Variants in SORCS2 observed in about 807,000 individuals in gnomAD.
The protein encoded by SORCS2 is VPS10 domain-containing receptor SorCS2.
Under a neutral mutation model 141.6 loss-of-function variants are expected in SORCS2, and 100 were observed. The ratio of observed to expected loss-of-function variants is 0.71; its 90% CI spans 0.60 to 0.83. The LOEUF is 0.83. SORCS2 is among the 40% of genes least tolerant of loss of function. The pLI, the probability that SORCS2 is intolerant of heterozygous loss-of-function variation, is 0.00. For synonymous variants in SORCS2, 789 were observed against 676.9 expected (o/e 1.17, Z -2.57); for missense variants, 1,646 against 1,560.2 (o/e 1.05, Z -0.93).
chr4:7,283,762 T>G (rs2108864127), intron 1 of SORCS2, among the ~76,000 whole-genome samples: 1 of 151,020 alleles, frequency 6.6e-6, no homozygotes, highest in African/African-American at 2.4e-5. Flanking sequence ...TTGGGAGGAG[T>G]TGGGTCTGGC....
chr4:7,739,024 G>T (rs923391986), intron 26 of SORCS2, among the ~76,000 whole-genome samples: 1 of 152,172 alleles, frequency 6.6e-6, no homozygotes, highest in Non-Finnish European at 1.5e-5. Context: ...CGGAGCGCTC[G>T]CTCTGTGTCA....
chr4:7,614,839 C>T (rs1003144004), intron 3 of SORCS2, among the ~76,000 whole-genome samples: 8 of 151,558 alleles, frequency 5.3e-5, no homozygotes, highest in African/African-American at 1.9e-4. Flanking sequence ...TCCATCCATC[C>T]ATCTCTTATC....
chr4:7,268,304 C>T (rs1349682632), intron 1 of SORCS2, among the ~76,000 whole-genome samples: 1 of 152,140 alleles, frequency 6.6e-6, no homozygotes, highest in African/African-American at 2.4e-5. Context: ...TTGAGTTTTT[C>T]AACCCTTTAC....
Position 7,434,318 on chromosome 4 carries a change from C to T in SORCS2, c.548+37963C>T, listed in dbSNP as rs777470981. 5 of 1,611,326 alleles carry T rather than the reference C, an allele frequency of 3.1e-6. No homozygotes were observed. In the African/African-American group the frequency reaches 5.3e-5, roughly 17 times the overall value. On this transcript the variant is annotated intron_variant, in intron 2 of 26. Coordinates refer to ENST00000507866, the MANE Select transcript of SORCS2 (RefSeq NM_020777.3). ...TCCTGGAGTCGGGAGACCTGCCGTACACAGTCTTGGCACAGAGCTCCTTCA... is the reference window on the plus strand; with the variant it reads ...TCCTGGAGTCGGGAGACCTGCCGTATACAGTCTTGGCACAGAGCTCCTTCA...
chr4:7,607,700 C>T (rs1247166057), intron 3 of SORCS2, among the ~76,000 whole-genome samples: 1 of 152,206 alleles, frequency 6.6e-6, no homozygotes, highest in Non-Finnish European at 1.5e-5. Flanking sequence ...TTCCCTGGGC[C>T]ACCCAGGAGT....
At chr4:7,376,301 G>T (rs1192418982) in intron 1 of SORCS2, among the ~76,000 whole-genome samples, 2 of 151,770 alleles carry the variant, frequency 1.3e-5, no homozygotes, top group Non-Finnish European at 2.9e-5. Flanking sequence ...TACTGGCTGG[G>T]CACGGTGGCT....
At chr4:7,618,409 G>A (rs926233431) in intron 3 of SORCS2, among the ~76,000 whole-genome samples, 1 of 152,086 alleles carries the variant, frequency 6.6e-6, no homozygotes, top group Non-Finnish European at 1.5e-5. Flanking sequence ...GCACCCGGAG[G>A]GGCATTCACC....
intron 1 of SORCS2, among the ~76,000 whole-genome samples, chr4:7,314,541 G>A (rs1338462500): frequency 5.3e-5 from 8 of 152,036 alleles, no homozygotes; most frequent in African/African-American, 9.6e-5. Context: ...GGGTTTCACC[G>A]TGTTAGCCAG....
In SORCS2 at chr4:7,242,226, G is replaced by A. The variant is rs531840218; in HGVS notation, c.480+49100G>A. Among the ~76,000 whole-genome samples the A allele has an allele frequency of 2.2e-3, 342 of 152,096 alleles. 2 individuals carry two copies. Among genetic ancestry groups the A allele is most frequent in the African/African-American group, 8.0e-3 (330 of 41,474 alleles). On this transcript the variant is annotated intron_variant, in intron 1 of 26. Transcript: ENST00000507866. ...TCTTCTTCTTTTTTTAAAAGACAGG[G>A]TCTCATTCTGTCATCCAAGAGTGCA...
intron 23 of SORCS2, among the ~76,000 whole-genome samples, chr4:7,732,834 C>G (rs531674997): frequency 3.3e-5 from 5 of 152,246 alleles, no homozygotes; most frequent in South Asian, 2.1e-4. Flanking sequence ...TGAAAGTTCC[C>G]TTGTGGGTGA....
At chr4:7,338,191 T>TGTTGGATGA in intron 1 of SORCS2, among the ~76,000 whole-genome samples, 1 of 65,442 alleles carries the variant, frequency 1.5e-5, no homozygotes, top group Non-Finnish European at 3.1e-5. Flanking sequence ...ATGTTGGATG[T>TGTTGGATGA]TGGATGGATG....
chr4:7,542,038 C>T (rs1189595853), intron 3 of SORCS2, among the ~76,000 whole-genome samples: 1 of 152,158 alleles, frequency 6.6e-6, no homozygotes, highest in East Asian at 1.9e-4. Context: ...GGGGTGAGGG[C>T]AAGGCAATTG....
At chr4:7,407,047 A>G (rs551156129) in intron 2 of SORCS2, among the ~76,000 whole-genome samples, 5 of 152,102 alleles carry the variant, frequency 3.3e-5, no homozygotes, top group African/African-American at 4.8e-5. Context: ...CAGAAAAGAT[A>G]CTTGATATGA....
At chr4:7,726,951 C>T (rs1222038021) in intron 21 of SORCS2, 48 bp downstream of exon 21, 1 of 1,583,156 alleles carries the variant, frequency 6.3e-7, no homozygotes, top group Non-Finnish European at 8.6e-7. Context: ...ATCTCTGCTG[C>T]AGTCCAGGAA....
intron 2 of SORCS2, among the ~76,000 whole-genome samples, chr4:7,446,426 A>G (rs1728007347): frequency 6.6e-6 from 1 of 152,218 alleles, no homozygotes; most frequent in Non-Finnish European, 1.5e-5. Flanking sequence ...TTTAGGGGAC[A>G]CAATTCTACC....
At chr4:7,371,127 G>A (rs1722219282) in intron 1 of SORCS2, among the ~76,000 whole-genome samples, 1 of 152,212 alleles carries the variant, frequency 6.6e-6, no homozygotes, top group South Asian at 2.1e-4. Flanking sequence ...ATGGAGAGTT[G>A]GGGCACAGGA....
intron 3 of SORCS2, among the ~76,000 whole-genome samples, chr4:7,579,425 T>C (rs1364983741): frequency 6.6e-6 from 1 of 152,160 alleles, no homozygotes; most frequent in East Asian, 1.9e-4. Flanking sequence ...GTAGGTGTTA[T>C]TAAATCCATG....
At chr4:7,526,968 G>A (rs935180222) in intron 2 of SORCS2, among the ~76,000 whole-genome samples, 1 of 152,128 alleles carries the variant, frequency 6.6e-6, no homozygotes, top group Non-Finnish European at 1.5e-5. Context: ...CTAAGTCTTT[G>A]AAATCAGTGT....
At chr4:7,550,163 T>TGTGTGTA (rs1270208879) in intron 3 of SORCS2, among the ~76,000 whole-genome samples, 1 of 144,110 alleles carries the variant, frequency 6.9e-6, no homozygotes, top group Admixed American at 7.2e-5. Flanking sequence ...TGTGTGTGTA[T>TGTGTGTA]TTCAAGCAGC....
Sources: allele counts gnomAD v4.1 joint callset (sites outside exome capture counted in the v4.1 genomes callset), GRCh38; gene constraint gnomAD v4.1.1; transcripts MANE v1.5; gene names NCBI Gene and HGNC (gene_info 2026-07-23, HGNC 2026-07-21).